Variants in PRKAR2B observed in about 807,000 individuals in gnomAD.
PRKAR2B encodes cAMP-dependent protein kinase type II-beta regulatory subunit.
PRKAR2B carries 14 observed loss-of-function variants against 49.9 expected under a neutral mutation model. The observed-to-expected ratio is 0.28, with a 90% CI of 0.19 to 0.44. The LOEUF (loss-of-function observed/expected upper bound fraction) is 0.44, where lower values mean the gene tolerates loss of function less well. PRKAR2B is among the 20% of genes least tolerant of loss of function. The pLI, the probability that PRKAR2B is intolerant of heterozygous loss-of-function variation, is 1.00. For synonymous variants in PRKAR2B, 196 were observed against 197.7 expected (o/e 0.99, Z 0.07); for missense variants, 393 against 537.9 (o/e 0.73, Z 2.67).
At chr7:107,072,256 A>T (rs1794294544) in intron 2 of PRKAR2B, among the ~76,000 whole-genome samples, 1 of 152,006 alleles carries the variant, frequency 6.6e-6, no homozygotes, top group African/African-American at 2.4e-5. Flanking sequence ...GATGATACCA[A>T]GTTCAGGAGT....
intron 2 of PRKAR2B, among the ~76,000 whole-genome samples, chr7:107,105,827 TC>T (rs1403655815): frequency 9.2e-5 from 14 of 152,120 alleles, no homozygotes; most frequent in Non-Finnish European, 4.4e-5. Context: ...TTGCAACACT[TC>T]CTCGAGATGG....
At chr7:107,128,124 G>A (rs1443683984) in intron 3 of PRKAR2B, 88 bp from the exon 4 acceptor site, 1 of 842,130 alleles carries the variant, frequency 1.2e-6, no homozygotes, top group African/African-American at 1.7e-5. Context: ...TTCTAATGTT[G>A]GTTCTGATTT....
chr7:107,096,762 T>C (rs2707378), intron 2 of PRKAR2B, among the ~76,000 whole-genome samples: 5,406 of 152,270 alleles, frequency 0.036, 247 homozygotes, highest in African/African-American at 0.098. Flanking sequence ...CATTTCGTTA[T>C]GTGTACCCAG....
chr7:107,073,340 A>G (rs1794322360), intron 2 of PRKAR2B, among the ~76,000 whole-genome samples: 1 of 152,188 alleles, frequency 6.6e-6, no homozygotes, highest in African/African-American at 2.4e-5. Flanking sequence ...GTGCTGGCCC[A>G]CAAACGTGTC....
intron 2 of PRKAR2B, among the ~76,000 whole-genome samples, chr7:107,099,012 C>T (rs974794900): frequency 1.8e-4 from 28 of 152,312 alleles, no homozygotes; most frequent in African/African-American, 1.7e-4. Context: ...TCTCAAACTC[C>T]GTGCCCAGAG....
chr7:107,154,008 G>C (rs1394845826), intron 8 of PRKAR2B, among the ~76,000 whole-genome samples: 12 of 152,122 alleles, frequency 7.9e-5, no homozygotes, highest in Admixed American at 3.9e-4. Flanking sequence ...TTGAGACTGA[G>C]AAAAAGAATT....
At chr7:107,094,985 A>G (rs1479987809) in intron 2 of PRKAR2B, among the ~76,000 whole-genome samples, 3 of 152,088 alleles carry the variant, frequency 2.0e-5, no homozygotes, top group Admixed American at 1.3e-4. Context: ...TCTTGGCAAT[A>G]CGGGCTCTTT....
chr7:107,046,600 T>C (rs1480275564), intron 1 of PRKAR2B, among the ~76,000 whole-genome samples: 1 of 152,184 alleles, frequency 6.6e-6, no homozygotes, highest in East Asian at 1.9e-4. Flanking sequence ...TTAATAATTC[T>C]TTTTGCACAA....
rs557297365 is a variant in PRKAR2B, at chr7:107,127,318, C to T, written c.397-894C>T. On this transcript the variant is annotated intron_variant, in intron 3 of 10. Coordinates refer to ENST00000265717, the MANE Select transcript of PRKAR2B (RefSeq NM_002736.3). ...TGTAGGTCTTCAGGAAAACCAACTCCGTGTCTGCTGCTTTTAGGACTACCC... is the reference window on the plus strand; with the variant it reads ...TGTAGGTCTTCAGGAAAACCAACTCTGTGTCTGCTGCTTTTAGGACTACCC... 1.3e-3 allele frequency among the ~76,000 whole-genome samples: 203 copies of T among 151,646 alleles called. 1 individual carries two copies. The highest frequency in any genetic ancestry group is 4.5e-3 in the African/African-American group (186 of 41,274).
chr7:107,052,052 A>G (rs1793816107), intron 1 of PRKAR2B, among the ~76,000 whole-genome samples: 1 of 152,192 alleles, frequency 6.6e-6, no homozygotes, highest in Admixed American at 6.5e-5. Flanking sequence ...TCTTTTTCAA[A>G]GGTCATGTTG....
intron 4 of PRKAR2B, among the ~76,000 whole-genome samples, chr7:107,129,747 A>T (rs1241246005): frequency 6.6e-6 from 1 of 152,204 alleles, no homozygotes; most frequent in Non-Finnish European, 1.5e-5. Flanking sequence ...TCTTGATGAT[A>T]TGCTAAACAA....
At chr7:107,117,694 T>C (rs1483585925) in intron 2 of PRKAR2B, among the ~76,000 whole-genome samples, 1 of 152,186 alleles carries the variant, frequency 6.6e-6, no homozygotes, top group African/African-American at 2.4e-5. Context: ...TGTGGGCTTT[T>C]AGTGAAAAAT....
chr7:107,077,444 A>C (rs1027253303), intron 2 of PRKAR2B: 15 of 152,220 alleles, frequency 9.9e-5, no homozygotes, highest in Admixed American at 7.2e-4. Context: ...CAGGAAGGGT[A>C]CTATTTGTGC....
intron 4 of PRKAR2B, among the ~76,000 whole-genome samples, chr7:107,129,350 A>C (rs920512549): frequency 6.6e-6 from 1 of 152,270 alleles, no homozygotes; most frequent in African/African-American, 2.4e-5. Context: ...CTGAGTCTCC[A>C]TTACTGGCTT....
intron 1 of PRKAR2B, among the ~76,000 whole-genome samples, chr7:107,052,491 G>T (rs1277170826): frequency 6.6e-6 from 1 of 152,194 alleles, no homozygotes; most frequent in Non-Finnish European, 1.5e-5. Flanking sequence ...TGATGTATCA[G>T]ATGTGGAACA....
At chr7:107,086,626 C>T (rs1794625585) in intron 2 of PRKAR2B, among the ~76,000 whole-genome samples, 1 of 151,932 alleles carries the variant, frequency 6.6e-6, no homozygotes, top group Admixed American at 6.6e-5. Flanking sequence ...ATGCCTGGGT[C>T]ATTTTTGCAT....
At position 107,044,916 on chromosome 7, in the gene PRKAR2B, C is replaced by A; in HGVS notation, c.9C>A (p.Ile3=). 6.3e-7 allele frequency: 1 copy of A among 1,597,146 alleles called. No homozygotes were observed. Among genetic ancestry groups the A allele is most frequent in the Non-Finnish European group, 8.5e-7 (1 of 1,174,482 alleles). MS[I]EIPAGLTELL... ...GCCGCCCCGGAGGCAGGATGAGCAT[C>A]GAGATCCCGGCGGGACTGACGGAGC... Residue 3 remains isoleucine, a synonymous_variant, in exon 1 of 11, where the codon ATC becomes ATA. Transcript: ENST00000265717.
At position 107,138,801 on chromosome 7, in the gene PRKAR2B, G is replaced by A. The variant is rs558906229; in HGVS notation, c.481-2046G>A. ...CAGGCTCAAGCAGTCCTCCGACCTC[G>A]GCCTCCTGAGTAGCTGAGACGACAA... On this transcript the variant is annotated intron_variant, in intron 4 of 10. Transcript: ENST00000265717. Among the ~76,000 whole-genome samples the A allele has an allele frequency of 6.6e-4, 101 of 151,990 alleles. No homozygotes were observed. The South Asian group carries it at 0.016, about 24-fold the overall frequency.
chr7:107,090,753 G>A (rs1794719955), intron 2 of PRKAR2B, among the ~76,000 whole-genome samples: 1 of 152,202 alleles, frequency 6.6e-6, no homozygotes, highest in Admixed American at 6.5e-5. Context: ...CACCTGCTGT[G>A]CAACTGCAGG....
Sources: allele counts gnomAD v4.1 joint callset (sites outside exome capture counted in the v4.1 genomes callset), GRCh38; gene constraint gnomAD v4.1.1; transcripts MANE v1.5; gene names NCBI Gene and HGNC (gene_info 2026-07-23, HGNC 2026-07-21).